The following ZNF277 variants were observed in gnomAD, a reference collection of about 807,000 sequenced individuals.
ZNF277 encodes zinc finger protein 277, also known as nuclear receptor-interacting factor 4.
A neutral mutation model predicts 60.7 loss-of-function variants in ZNF277; 55 were observed. The ratio of observed to expected loss-of-function variants is 0.91; its 90% CI spans 0.73 to 1.13. The LOEUF (loss-of-function observed/expected upper bound fraction) is 1.13. ZNF277 is among the 50% of genes most tolerant of loss of function. ZNF277 has a pLI of 0.00. For synonymous variants in ZNF277, 178 were observed against 179.3 expected, an observed-to-expected ratio of 0.99 and a Z score of 0.06; for missense variants, 510 against 523.0, an observed-to-expected ratio of 0.98 and a Z score of 0.24.
intron 2 of ZNF277, among the ~76,000 whole-genome samples, chr7:112,289,672 A>G (rs941049080): frequency 2.0e-5 from 3 of 152,198 alleles, no homozygotes; most frequent in African/African-American, 7.2e-5. Flanking sequence ...TTCATACTCA[A>G]CCATTGAAAG....
chr7:112,284,043 G>A (rs1051984163), intron 1 of ZNF277, among the ~76,000 whole-genome samples: 9 of 152,200 alleles, frequency 5.9e-5, no homozygotes, highest in Non-Finnish European at 1.0e-4. Flanking sequence ...AACTCAGAAT[G>A]TTTAGGCTAC....
At chr7:112,321,937 A>C (rs1405457483) in intron 5 of ZNF277, among the ~76,000 whole-genome samples, 4 of 152,054 alleles carry the variant, frequency 2.6e-5, no homozygotes, top group African/African-American at 7.2e-5. Flanking sequence ...TTGACAGTTT[A>C]CGTGTTGGTA....
chr7:112,236,752 G>C (rs1460949490), intron 1 of ZNF277, among the ~76,000 whole-genome samples: 3 of 151,802 alleles, frequency 2.0e-5, no homozygotes, highest in Non-Finnish European at 2.9e-5. Flanking sequence ...AACCCAAAAG[G>C]CAATTTTAGA....
At chr7:112,219,675 TC>T (rs1821975941) in intron 1 of ZNF277, among the ~76,000 whole-genome samples, 1 of 152,200 alleles carries the variant, frequency 6.6e-6, no homozygotes, top group Admixed American at 6.5e-5. Context: ...GTGCTGTGTC[TC>T]CCACGCTAAA....
At chr7:112,255,670 C>T (rs1254616640) in intron 1 of ZNF277, among the ~76,000 whole-genome samples, 1 of 152,218 alleles carries the variant, frequency 6.6e-6, no homozygotes, top group East Asian at 1.9e-4. Flanking sequence ...TAATAAGCAC[C>T]TGGCATGTGC....
intron 5 of ZNF277, among the ~76,000 whole-genome samples, chr7:112,324,111 G>A (rs1018445614): frequency 6.6e-6 from 1 of 152,102 alleles, no homozygotes. Context: ...TTACAGTGGG[G>A]TTACATCTCA....
chr7:112,322,681 C>T (rs1188823218), intron 5 of ZNF277, among the ~76,000 whole-genome samples: 3 of 152,066 alleles, frequency 2.0e-5, no homozygotes, highest in Admixed American at 2.0e-4. Context: ...TATTAGCTAA[C>T]TTAAAGTCCT....
intron 1 of ZNF277, among the ~76,000 whole-genome samples, chr7:112,228,449 G>A: frequency 7.4e-6 from 1 of 134,886 alleles, no homozygotes; most frequent in African/African-American, 2.7e-5. Flanking sequence ...TGGAAGAGGA[G>A]AGGCCTTTTT....
chr7:112,241,137 A>T (rs1405309240), intron 1 of ZNF277, among the ~76,000 whole-genome samples: 1 of 152,070 alleles, frequency 6.6e-6, no homozygotes, highest in Admixed American at 6.6e-5. Context: ...ATATACAAGG[A>T]GTTCAAACAA....
At chr7:112,283,113 G>T (rs951021762) in intron 1 of ZNF277, among the ~76,000 whole-genome samples, 1 of 152,232 alleles carries the variant, frequency 6.6e-6, no homozygotes, top group African/African-American at 2.4e-5. Context: ...CAAAGAAGAT[G>T]AAGAGATAAA....
At chr7:112,245,689 C>G (rs1351280544) in intron 1 of ZNF277, among the ~76,000 whole-genome samples, 1 of 152,162 alleles carries the variant, frequency 6.6e-6, no homozygotes, top group Non-Finnish European at 1.5e-5. Context: ...CCTCTGCTGT[C>G]ACCTTTACAT....
rs772458229 is a variant in ZNF277 at position 112,206,713 on chromosome 7, G to C, written c.-4G>C. ...CGGCCCTCCCTTTTCTTTTCTGCCG[G>C]GTAATGGCTGCTTCCAAGACCCAGG... On this transcript the variant is annotated 5_prime_UTR_variant, in exon 1 of 12. Transcript: ENST00000361822. 2 of 1,613,058 alleles carry C rather than the reference G, an allele frequency of 1.2e-6. No homozygotes were observed. Among genetic ancestry groups the C allele is most frequent in the African/African-American group, 2.7e-5 (2 of 74,888 alleles).
chr7:112,308,861 C>T (rs778519969), intron 4 of ZNF277, among the ~76,000 whole-genome samples: 2 of 152,060 alleles, frequency 1.3e-5, no homozygotes, highest in African/African-American at 2.4e-5. Context: ...AAGAAATGGA[C>T]ACCTGTGCAT....
rs773952287 is a variant in ZNF277, at chr7:112,340,997, A to G, written c.1135A>G (p.Thr379Ala). ...KADLRTHMEE[T>A]KHTSLLPDRK... The stretch of plus-strand genomic sequence containing the variant: ...AGACTTAAGAACTCACATGGAAGAA[A>G]CTAAACACACTTCGCTGCTCCCCGA... The change falls in exon 11 of 12, where the codon ACT becomes GCT. Residue 379 changes from threonine to alanine, a missense_variant. Physicochemically the swap from Thr to Ala is moderately conservative, Grantham distance 58 (BLOSUM62 0). Coordinates refer to ENST00000361822, the MANE Select transcript of ZNF277 (RefSeq NM_021994.3). 23 of 1,606,202 alleles carry G rather than the reference A, an allele frequency of 1.4e-5. No homozygotes were observed. The highest frequency in any genetic ancestry group is 1.4e-4 in the Admixed American group (8 of 58,558).
At chr7:112,332,796 A>G (rs1049662671) in intron 7 of ZNF277, among the ~76,000 whole-genome samples, 15 of 152,204 alleles carry the variant, frequency 9.9e-5, no homozygotes, top group Admixed American at 4.6e-4. Flanking sequence ...AATGATGTAA[A>G]CACCTTTGAA....
intron 4 of ZNF277, among the ~76,000 whole-genome samples, chr7:112,304,010 G>A (rs942487794): frequency 3.2e-4 from 49 of 152,204 alleles, no homozygotes; most frequent in African/African-American, 1.1e-3. Flanking sequence ...ATTTGGGGGT[G>A]TATATCATCA....
intron 1 of ZNF277, among the ~76,000 whole-genome samples, chr7:112,283,449 G>C (rs1791993011): frequency 6.6e-6 from 1 of 152,146 alleles, no homozygotes; most frequent in African/African-American, 2.4e-5. Context: ...CTTGAACCTG[G>C]GAGGCGGAGG....
At chr7:112,243,877 T>C (rs1374356805) in intron 1 of ZNF277, among the ~76,000 whole-genome samples, 2 of 152,084 alleles carry the variant, frequency 1.3e-5, no homozygotes, top group African/African-American at 2.4e-5. Flanking sequence ...CTATTTATAA[T>C]AGCAAAGCAT....
At chr7:112,326,453 T>C (rs947341432) in intron 5 of ZNF277, among the ~76,000 whole-genome samples, 1 of 152,138 alleles carries the variant, frequency 6.6e-6, no homozygotes, top group African/African-American at 2.4e-5. Flanking sequence ...TTCCACAGCC[T>C]GAGCCTCAGG....
Sources: gnomAD v4.1 joint callset for allele counts (sites outside exome capture counted in the v4.1 genomes callset) on GRCh38, gnomAD v4.1.1 for gene constraint, MANE v1.5 for transcripts, NCBI Gene and HGNC (gene_info 2026-07-23, HGNC 2026-07-21) for gene names.